Variants in MYCBP2 observed in about 807,000 individuals in gnomAD.
MYCBP2 encodes the protein MYC binding protein 2, also known as E3 ubiquitin-protein ligase MYCBP2.
MYCBP2 carries 120 observed loss-of-function variants against 525.3 expected under a neutral mutation model. The observed-to-expected ratio is 0.23, with a 90% CI of 0.20 to 0.27. The LOEUF (loss-of-function observed/expected upper bound fraction) is 0.27. MYCBP2 is among the 10% of genes least tolerant of loss of function. The pLI is 1.00. For missense variants in MYCBP2, 4,149 were observed against 5,657.1 expected, an observed-to-expected ratio of 0.73 and a Z score of 8.55; for synonymous variants, 1,894 against 1,955.8, an observed-to-expected ratio of 0.97 and a Z score of 0.83.
rs553791011 is a variant in MYCBP2 at position 77,123,220 on chromosome 13, A to C, written c.8018-1725T>G. 6.2e-4 allele frequency among the ~76,000 whole-genome samples: 95 copies of C among 152,356 alleles called. 2 individuals are homozygous for C. The South Asian group carries it at 7.9e-3, about 13-fold the overall frequency. ...CTAATCTTAGTGATTTAAAGGCACT[A>C]ACTTCATATCATTTCTTTCCTTATC... is the stretch of plus-strand genomic sequence containing the variant. On this transcript the variant is annotated intron_variant, in intron 54 of 82. Coordinates refer to ENST00000544440, the MANE Select transcript of MYCBP2 (RefSeq NM_015057.5).
chr13:77,239,447 A>T (rs2068478638), intron 17 of MYCBP2, among the ~76,000 whole-genome samples: 1 of 152,206 alleles, frequency 6.6e-6, no homozygotes, highest in Non-Finnish European at 1.5e-5. Flanking sequence ...GTGCCAGAGA[A>T]GAGCCTTAGA....
intron 73 of MYCBP2, among the ~76,000 whole-genome samples, chr13:77,063,710 T>C (rs1475973679): frequency 9.9e-5 from 15 of 151,950 alleles, no homozygotes; most frequent in Non-Finnish European, 2.9e-5. Context: ...CTCTAAGAAG[T>C]GCATGTGAGT....
chr13:77,059,686 G>T, intron 76 of MYCBP2, 60 bp from the exon 77 acceptor site: 1 of 1,294,176 alleles, frequency 7.7e-7, no homozygotes, highest in Non-Finnish European at 1.1e-6. Flanking sequence ...TATGTTAACA[G>T]AACTAAATTT....
At chr13:77,156,035 TA>T in intron 46 of MYCBP2, 22 bp downstream of exon 46, 1 of 1,605,210 alleles carries the variant, frequency 6.2e-7, no homozygotes, top group Non-Finnish European at 8.5e-7. Flanking sequence ...AGATGTCTGC[TA>T]ATTTAATCCA....
intron 76 of MYCBP2, among the ~76,000 whole-genome samples, chr13:77,059,847 C>A (rs1421794542): frequency 1.3e-5 from 2 of 152,086 alleles, no homozygotes; most frequent in African/African-American, 4.8e-5. Flanking sequence ...CAAATACACT[C>A]TCGACTAATA....
intron 1 of MYCBP2, among the ~76,000 whole-genome samples, chr13:77,304,678 G>C (rs2079184893): frequency 6.6e-6 from 1 of 152,012 alleles, no homozygotes; most frequent in South Asian, 2.1e-4. Flanking sequence ...ATCCTGATTT[G>C]ATCATTACAC....
rs776430738 is a variant in MYCBP2 at position 77,263,657 on chromosome 13, T to C, written c.1564A>G (p.Ile522Val). ...SLFDLEKDLH[I>V]ISTGFDEESA... ...ACTTAATTTGCTATCTTACTTATAA[T>C]ATGCAAGTCCTTTTCCAGATCGAAT... Residue 522 changes from isoleucine (I) to valine (V), a missense_variant, in exon 10 of 83, where the codon ATT becomes GTT. This residue lies in a region of MYCBP2 where 262 missense variants were observed against 419.3 expected (regional missense o/e 0.62). Coordinates refer to ENST00000544440, the MANE Select transcript of MYCBP2 (RefSeq NM_015057.5). 1.2e-6 allele frequency: 2 copies of C among 1,609,962 alleles called. No homozygotes were observed. The highest frequency in any genetic ancestry group is 1.7e-6 in the Non-Finnish European group (2 of 1,178,014).
intron 54 of MYCBP2, 96 bp from the exon 55 acceptor site, chr13:77,121,591 T>TA: frequency 8.1e-7 from 1 of 1,229,194 alleles, no homozygotes; most frequent in South Asian, 2.6e-5. Flanking sequence ...TTATGATGGT[T>TA]AGATTTTAAA....
Position 77,322,467 on chromosome 13 carries a change from C to A in MYCBP2, c.302+4007G>T, listed in dbSNP as rs191495574. Among the ~76,000 whole-genome samples the A allele has an allele frequency of 2.8e-3, 432 of 152,248 alleles. 3 individuals are homozygous for A. The highest frequency in any genetic ancestry group is 3.7e-3 in the Non-Finnish European group (252 of 68,006). On this transcript the variant is annotated intron_variant, in intron 1 of 82. Transcript: ENST00000544440. ...ACACTGTCCCCAAAACCTTCCATTT[C>A]TTTTTTCTTTAACCCTAAATCAACT... is the stretch of plus-strand genomic sequence containing the variant.
Position 77,168,723 on chromosome 13 carries a change from T to A in MYCBP2, c.5896-77A>T, listed in dbSNP as rs552518524. On this transcript the variant is annotated intron_variant, in intron 39 of 82. Transcript: ENST00000544440. Reference sequence around the variant, plus strand: ...TAAAATTATGCATTACAATAATTGTTGGTTACTCTAATAACAATTTCCATC... The same window carrying A: ...TAAAATTATGCATTACAATAATTGTAGGTTACTCTAATAACAATTTCCATC... The A allele has an allele frequency of 1.3e-4, 176 of 1,305,294 alleles. No homozygotes were observed. In the South Asian group the frequency reaches 2.2e-3, roughly 16 times the overall value. 80.9% of individuals were successfully genotyped at this position (1,305,294 alleles called of 1,614,324 possible).
chr13:77,087,577 C>A lies in MYCBP2; in HGVS notation c.10782G>T (p.Leu3594=), dbSNP rs1173457001. The A allele has an allele frequency of 5.6e-6, 9 of 1,613,198 alleles. No homozygotes were observed. Among genetic ancestry groups the A allele is most frequent in the Non-Finnish European group, 6.8e-6 (8 of 1,179,548 alleles). Residue 3594 remains leucine (L), a synonymous_variant, in exon 62 of 83, where the codon CTG becomes CTT. Transcript: ENST00000544440. ...GAGTCAGTGATGCCACAAAATGCCA[C>A]AGAATATCATGGAGAGAAGTGGTTT... The part of the protein sequence containing the change: ...VIQTTSLHDI[L]WHFVASLTPA...
At chr13:77,311,239 A>G (rs991854274) in intron 1 of MYCBP2, among the ~76,000 whole-genome samples, 9 of 152,342 alleles carry the variant, frequency 5.9e-5, no homozygotes, top group African/African-American at 1.7e-4. Context: ...CCTGAAAAAG[A>G]GTAAGACACA....
At chr13:77,265,359 G>C (rs58038293) in intron 8 of MYCBP2, among the ~76,000 whole-genome samples, 2 of 152,090 alleles carry the variant, frequency 1.3e-5, no homozygotes, top group African/African-American at 4.8e-5. Context: ...AAACGCAGGG[G>C]TGAGGAGTGA....
intron 79 of MYCBP2, 22 bp from the exon 80 acceptor site, chr13:77,055,789 CTT>C: frequency 6.4e-7 from 1 of 1,552,118 alleles, no homozygotes; most frequent in East Asian, 2.2e-5. Flanking sequence ...AATGAACACT[CTT>C]TAGCAGAATC....
intron 40 of MYCBP2, among the ~76,000 whole-genome samples, chr13:77,167,521 G>A (rs532484737): frequency 1.1e-4 from 16 of 152,234 alleles, no homozygotes; most frequent in African/African-American, 3.6e-4. Flanking sequence ...TAGATTTAAA[G>A]GGACTTAAGA....
intron 54 of MYCBP2, among the ~76,000 whole-genome samples, chr13:77,125,041 G>A (rs879552605): frequency 6.6e-6 from 1 of 152,108 alleles, no homozygotes; most frequent in Non-Finnish European, 1.5e-5. Flanking sequence ...TTCAGTCCTG[G>A]ACTGGTACAG....
At chr13:77,250,222 C>CAAAA (rs34137754) in intron 15 of MYCBP2, among the ~76,000 whole-genome samples, 1 of 125,206 alleles carries the variant, frequency 8.0e-6, no homozygotes, top group Non-Finnish European at 1.6e-5. Flanking sequence ...GACTCCGTCT[C>CAAAA]AAAAAAAAAA....
At chr13:77,100,863 T>G (rs2046964364) in intron 55 of MYCBP2, among the ~76,000 whole-genome samples, 1 of 152,050 alleles carries the variant, frequency 6.6e-6, no homozygotes, top group Admixed American at 6.6e-5. Flanking sequence ...CAATTTAGAA[T>G]TCTAACTATC....
At chr13:77,210,283 C>T (rs2154280335) in intron 23 of MYCBP2, among the ~76,000 whole-genome samples, 1 of 151,262 alleles carries the variant, frequency 6.6e-6, no homozygotes, top group Admixed American at 6.6e-5. Flanking sequence ...AATTCCGCCT[C>T]CCAGGTTCAC....
Sources: gnomAD v4.1 joint callset for allele counts (sites outside exome capture counted in the v4.1 genomes callset) on GRCh38, gnomAD v4.1.1 for gene constraint, gnomAD v4.1.1 regional missense constraint, MANE v1.5 for transcripts, NCBI Gene and HGNC (gene_info 2026-07-23, HGNC 2026-07-21) for gene names.